NUP153: variants seen among roughly 807,000 people sequenced by gnomAD.
NUP153 encodes the protein nucleoporin 153.
A neutral mutation model predicts 134.6 loss-of-function variants in NUP153; 27 were observed. The observed-to-expected ratio is 0.20, with a 90% CI of 0.15 to 0.28. The LOEUF is 0.28. NUP153 is among the 10% of genes least tolerant of loss of function. The pLI is 1.00. For missense variants in NUP153, 1,821 were observed against 1,731.3 expected, an observed-to-expected ratio of 1.05 and a Z score of -0.92; for synonymous variants, 640 against 623.5, an observed-to-expected ratio of 1.03 and a Z score of -0.40.
rs1768196755 is a variant in NUP153, at chr6:17,675,886, TG to T, written c.335-117del. The T allele has an allele frequency of 1.0e-6, 1 of 969,598 alleles. No homozygotes were observed. The highest frequency in any genetic ancestry group is 2.2e-5 in the Admixed American group (1 of 46,232). The allele number at this position is 969,598 out of a possible 1,614,324, so 60.1% of individuals were successfully genotyped here. On this transcript the variant is annotated intron_variant, in intron 2 of 21. Transcript: ENST00000262077. This position sits in a 1 kb window ranked among gnomAD's most constrained non-coding sequence, Gnocchi z 4.4. ...ATATAATAGCTTCAATTCAAATCACTGGGGCATCCCATAATAAGCCCAATAT... is the reference window on the plus strand; with the variant it reads ...ATATAATAGCTTCAATTCAAATCACTGGGCATCCCATAATAAGCCCAATAT...
rs939530699 is a variant in NUP153 at position 17,706,124 on chromosome 6, C to G, written c.111+153G>C. 4.7e-6 allele frequency: 3 copies of G among 641,816 alleles called. No individual in the cohort carries two copies. Among genetic ancestry groups the G allele is most frequent in the Non-Finnish European group, 8.1e-6 (3 of 370,922 alleles). 39.8% of individuals were successfully genotyped at this position (641,816 alleles called of 1,614,324 possible). ...TGTCTCAGCCCACTTCCCGTCGCCA[C>G]CCCCAACGGCCTGAGCTCCCCCGGA... On this transcript the variant is annotated intron_variant, in intron 1 of 21. Coordinates refer to ENST00000262077, the MANE Select transcript of NUP153 (RefSeq NM_005124.4). The surrounding 1 kb of genome is among the most constrained non-coding windows in gnomAD (Gnocchi z 5.9).
At chr6:17,631,893 G>T (rs1412323414) in intron 17 of NUP153, among the ~76,000 whole-genome samples, 2 of 152,164 alleles carry the variant, frequency 1.3e-5, no homozygotes, top group African/African-American at 4.8e-5. Context: ...CATGAACCCA[G>T]GAGGCGGAGC....
chr6:17,616,836 G>C, intron 20 of NUP153, 141 bp from the exon 21 acceptor site: 1 of 716,602 alleles, frequency 1.4e-6, no homozygotes, highest in Non-Finnish European at 2.3e-6. Flanking sequence ...TGCAACCCTT[G>C]CCTCCTGGGT....
rs12203616 is a variant in NUP153, at chr6:17,648,946, T to G, written c.1533+217A>C. ...ACAAATTTACAAGAATATCCTTCTC[T>G]ATGGTATTGCATAAGAGTTGAGGAA... On this transcript the variant is annotated intron_variant, in intron 12 of 21. Transcript: ENST00000262077. Among the ~76,000 whole-genome samples the G allele has an allele frequency of 8.8e-3, 1,347 of 152,346 alleles. 9 individuals are homozygous for G. The highest frequency in any genetic ancestry group is 0.014 in the Non-Finnish European group (935 of 68,026).
Position 17,680,977 on chromosome 6 carries a change from C to T in NUP153, c.335-5207G>A, listed in dbSNP as rs556475306. On this transcript the variant is annotated intron_variant, in intron 2 of 21. Transcript: ENST00000262077. The surrounding 1 kb of genome is among the most constrained non-coding windows in gnomAD (Gnocchi z 4.5). The stretch of plus-strand genomic sequence containing the variant: ...GTATATCAAAGAGATAATCTGCACT[C>T]GCAGCACTATTCACAATAGCCAAGA... Among the ~76,000 whole-genome samples the T allele has an allele frequency of 5.3e-5, 8 of 152,176 alleles. No individual in the cohort carries two copies. The highest frequency in any genetic ancestry group is 2.6e-4 in the Admixed American group (4 of 15,290).
chr6:17,664,203 T>A (rs1581725585), intron 9 of NUP153, among the ~76,000 whole-genome samples: 1 of 152,020 alleles, frequency 6.6e-6, no homozygotes, highest in African/African-American at 2.4e-5. Flanking sequence ...TACTGACGGG[T>A]ATGGGTATGA....
intron 5 of NUP153, 112 bp from the exon 6 acceptor site, chr6:17,669,658 A>G: frequency 1.4e-6 from 1 of 733,520 alleles, no homozygotes; most frequent in Non-Finnish European, 2.4e-6. Flanking sequence ...ACAGGATTTA[A>G]TGCATTAACA....
Position 17,637,340 on chromosome 6 carries a change from T to C in NUP153, c.2277A>G (p.Thr759=), listed in dbSNP as rs758118348. 9 of 1,614,188 alleles carry C rather than the reference T, an allele frequency of 5.6e-6. No homozygotes were observed. Among genetic ancestry groups the C allele is most frequent in the South Asian group, 5.5e-5 (5 of 91,078 alleles). ...CAGCACTTTCCGAAACCACTGTCAA[T>C]GTAAGGGCTCGCTTCACACAAGTTC... The part of the protein sequence containing the change: ...KPGTCVKRAL[T]LTVVSESAET... The change falls in exon 16 of 22, where the codon ACA becomes ACG. Residue 759 remains threonine (T), a synonymous_variant. Transcript: ENST00000262077.
In NUP153 at chr6:17,661,636, T is replaced by G; in HGVS notation, c.1395+17A>C. 6.2e-7 allele frequency: 1 copy of G among 1,609,800 alleles called. No homozygotes were observed. Among genetic ancestry groups the G allele is most frequent in the Non-Finnish European group, 8.5e-7 (1 of 1,177,938 alleles). On this transcript the variant is annotated intron_variant, in intron 11 of 21. Transcript: ENST00000262077. ...TTTTTAAATAAACCTCAAGAGTATATGAGTATACAACCCTACCTCCTCCTC... is the reference window on the plus strand; with the variant it reads ...TTTTTAAATAAACCTCAAGAGTATAGGAGTATACAACCCTACCTCCTCCTC...
intron 8 of NUP153, among the ~76,000 whole-genome samples, chr6:17,668,750 C>T (rs1367086017): frequency 1.3e-5 from 2 of 151,406 alleles, no homozygotes; most frequent in South Asian, 2.1e-4. Context: ...GGCTGGGGCA[C>T]GAGAATCGCT....
At chr6:17,704,037 A>T (rs1251620151) in intron 1 of NUP153, among the ~76,000 whole-genome samples, 8 of 152,242 alleles carry the variant, frequency 5.3e-5, no homozygotes, top group Non-Finnish European at 7.3e-5. Flanking sequence ...TCACGCCTGT[A>T]ATCCCAGCAC....
chr6:17,651,777 C>G (rs1320828809), intron 11 of NUP153: 3 of 547,388 alleles, frequency 5.5e-6, no homozygotes, highest in Non-Finnish European at 1.0e-5. Context: ...TGTATGCTCT[C>G]ATGAGGGCCT....
chr6:17,702,599 C>G (rs140049385), intron 1 of NUP153, among the ~76,000 whole-genome samples: 1,611 of 151,906 alleles, frequency 0.011, 31 homozygotes, highest in Middle Eastern at 0.024. Context: ...TAGCTTGAAC[C>G]CAGGAGGCAG....
Position 17,680,977 on chromosome 6 carries a change from C to G in NUP153, c.335-5207G>C, listed in dbSNP as rs556475306. Among the ~76,000 whole-genome samples the G allele has an allele frequency of 6.6e-6, 1 of 152,058 alleles. No individual in the cohort carries two copies. Among genetic ancestry groups the G allele is most frequent in the Non-Finnish European group, 1.5e-5 (1 of 68,014 alleles). On this transcript the variant is annotated intron_variant, in intron 2 of 21. Coordinates refer to ENST00000262077, the MANE Select transcript of NUP153 (RefSeq NM_005124.4). The surrounding 1 kb of genome is among the most constrained non-coding windows in gnomAD (Gnocchi z 4.5). ...GTATATCAAAGAGATAATCTGCACTCGCAGCACTATTCACAATAGCCAAGA... is the reference window on the plus strand; with the variant it reads ...GTATATCAAAGAGATAATCTGCACTGGCAGCACTATTCACAATAGCCAAGA...
In NUP153 at chr6:17,695,648, A is replaced by C. The variant is rs188064377; in HGVS notation, c.112-7030T>G. Among the ~76,000 whole-genome samples, 368 of 152,330 alleles carry C rather than the reference A, an allele frequency of 2.4e-3. 2 individuals are homozygous for C. The highest frequency in any genetic ancestry group is 8.3e-3 in the African/African-American group (344 of 41,590). On this transcript the variant is annotated intron_variant, in intron 1 of 21. Coordinates refer to ENST00000262077, the MANE Select transcript of NUP153 (RefSeq NM_005124.4). ...TTTATGATGCACAGCCAACTATAAG[A>C]CATTAGAAATTTTTAAAAAACTACT...
In NUP153 at chr6:17,629,182, C is replaced by T. The variant is rs756923507; in HGVS notation, c.3017G>A (p.Gly1006Glu). The T allele has an allele frequency of 5.0e-6, 8 of 1,613,170 alleles. No homozygotes were observed. In the Admixed American group the frequency reaches 5.0e-5, roughly 10 times the overall value. Residue 1006 changes from glycine (G) to glutamate (E), a missense_variant, in exon 18 of 22, where the codon GGA becomes GAA. Physicochemically the swap from Gly to Glu is moderately conservative, Grantham distance 98. Transcript: ENST00000262077. ...TPFQFGVSNL[G>E]QEEKKEELPK... ...CAGTTCCTCTTTCTTTTCTTCCTGT[C>T]CAAGATTAGATACCCCAAATTGAAA...
At chr6:17,647,347 C>T (rs1769912783) in intron 13 of NUP153, among the ~76,000 whole-genome samples, 1 of 152,152 alleles carries the variant, frequency 6.6e-6, no homozygotes, top group African/African-American at 2.4e-5. Context: ...CATGTTTTAA[C>T]TAAATGCAAT....
chr6:17,701,562 TGAGGCAGAGAACTGCTTGAACCCAG>T (rs1770074985), intron 1 of NUP153, among the ~76,000 whole-genome samples: 1 of 148,210 alleles, frequency 6.7e-6, no homozygotes. Context: ...CTCGGGAGGC[TGAGGCAGAGAACTGCTTGAACCCAG>T]GAGGCGGAGG....
At chr6:17,695,576 G>A (rs555795041) in intron 1 of NUP153, among the ~76,000 whole-genome samples, 7 of 152,098 alleles carry the variant, frequency 4.6e-5, no homozygotes, top group East Asian at 1.9e-4. Flanking sequence ...CATAAAAGCC[G>A]ACCTTCGAGT....
Sources: allele counts gnomAD v4.1 joint callset (sites outside exome capture counted in the v4.1 genomes callset), GRCh38; gene constraint gnomAD v4.1.1; non-coding constraint Gnocchi (gnomAD v3.1); transcripts MANE v1.5; gene names NCBI Gene and HGNC (gene_info 2026-07-23, HGNC 2026-07-21).